The following ADGRB1 variants were observed in gnomAD, a reference collection of about 807,000 sequenced individuals.
ADGRB1 encodes brain-specific angiogenesis inhibitor 1.
A neutral mutation model predicts 175.7 loss-of-function variants in ADGRB1; 36 were observed. The observed-to-expected ratio is 0.20, with a 90% CI of 0.16 to 0.27. ADGRB1 has a LOEUF of 0.27. Ranked by LOEUF, ADGRB1 falls within the 10% of genes least tolerant of loss-of-function variation. The probability of loss-of-function intolerance (pLI) is 1.00; values close to 1 mark genes in which losing one functional copy is unlikely to be tolerated. For synonymous variants in ADGRB1, 1,054 were observed against 979.4 expected (o/e 1.08, Z -1.42); for missense variants, 1,731 against 2,255.3 (o/e 0.77, Z 4.71).
Position 142,543,652 on chromosome 8 carries a change from CGGAAGCT to C in ADGRB1, c.4503_4509del (p.Lys1502SerfsTer41). On this transcript the variant is annotated frameshift_variant, in exon 30 of 31. Transcript: ENST00000517894. LOFTEE classifies it high-confidence loss of function. This position sits in a 1 kb window ranked among gnomAD's most constrained non-coding sequence, Gnocchi z 4.4. ...CCAAGACATGTTCCAGGACCTGAAC[CGGAAGCT>C]GCAGCACGCAGCGGAGAAGGACAAG... The C allele has an allele frequency of 6.8e-7, 1 of 1,464,746 alleles. No homozygotes were observed. The highest frequency in any genetic ancestry group is 9.2e-7 in the Non-Finnish European group (1 of 1,091,658). The allele number at this position is 1,464,746 out of a possible 1,614,324, so 90.7% of individuals were successfully genotyped here.
chr8:142,532,246 G>A (rs77728626), intron 24 of ADGRB1, among the ~76,000 whole-genome samples: 1,741 of 152,304 alleles, frequency 0.011, 22 homozygotes, highest in African/African-American at 0.039. Flanking sequence ...GCCACCTCCC[G>A]AGCACTCACC....
At chr8:142,524,959 C>G (rs1032343962) in intron 23 of ADGRB1, among the ~76,000 whole-genome samples, 1 of 152,102 alleles carries the variant, frequency 6.6e-6, no homozygotes, top group Non-Finnish European at 1.5e-5. Context: ...TCTACTCTGG[C>G]AGAGCACCAG....
At chr8:142,494,758 T>C (rs899430576) in intron 17 of ADGRB1, among the ~76,000 whole-genome samples, 2 of 151,470 alleles carry the variant, frequency 1.3e-5, no homozygotes, top group Non-Finnish European at 2.9e-5. Context: ...CATCCAGTCC[T>C]GAACGCTGGC....
At chr8:142,453,382 C>T (rs908043120) in intron 1 of ADGRB1, among the ~76,000 whole-genome samples, 2 of 152,180 alleles carry the variant, frequency 1.3e-5, no homozygotes, top group Admixed American at 6.5e-5. Flanking sequence ...TCTGTGTGCA[C>T]GGGATGGACC....
intron 19 of ADGRB1, among the ~76,000 whole-genome samples, chr8:142,520,025 G>GTGA: frequency 1.1e-5 from 1 of 93,432 alleles, no homozygotes; most frequent in East Asian, 3.5e-4. Context: ...GGTGATGGTG[G>GTGA]TGGTGGTGAT....
chr8:142,541,916 G>T, intron 27 of ADGRB1, 25 bp from the exon 28 acceptor site: 1 of 1,523,898 alleles, frequency 6.6e-7, no homozygotes, highest in Non-Finnish European at 8.8e-7. Context: ...ACCTGTCCCC[G>T]CTGTCTCCCC....
chr8:142,510,643 G>GC lies in ADGRB1; in HGVS notation c.2676-283dup, dbSNP rs975536900. 2.1e-5 allele frequency among the ~76,000 whole-genome samples: 3 copies of GC among 145,630 alleles called. No homozygotes were observed. The highest frequency in any genetic ancestry group is 6.8e-5 in the Admixed American group (1 of 14,728). On this transcript the variant is annotated intron_variant, in intron 17 of 30. Coordinates refer to ENST00000517894, the MANE Select transcript of ADGRB1 (RefSeq NM_001702.3). This position sits in a 1 kb window ranked among gnomAD's most constrained non-coding sequence, Gnocchi z 6.3. ...ACTGCCGGGCCCCGGGCCAGCTCTC[G>GC]CCCCCCGCCCCGCCCCCGATCGCTC...
At chr8:142,463,170 G>A (rs1171152462) in intron 1 of ADGRB1, among the ~76,000 whole-genome samples, 2 of 152,190 alleles carry the variant, frequency 1.3e-5, no homozygotes, top group Non-Finnish European at 2.9e-5. Flanking sequence ...GGTGGCTCCT[G>A]GTGGCTCCAT....
chr8:142,519,468 G>A (rs1449772972), intron 19 of ADGRB1, among the ~76,000 whole-genome samples: 1 of 152,194 alleles, frequency 6.6e-6, no homozygotes, highest in Non-Finnish European at 1.5e-5. Flanking sequence ...AGGGCTGCTG[G>A]TGATGGTGGT....
chr8:142,528,971 G>A (rs1844416261), intron 24 of ADGRB1, among the ~76,000 whole-genome samples: 1 of 152,236 alleles, frequency 6.6e-6, no homozygotes, highest in South Asian at 2.1e-4. Flanking sequence ...CCGAGTGTGT[G>A]CCAGGCTGCA....
chr8:142,505,157 C>A (rs1842793365), intron 17 of ADGRB1, among the ~76,000 whole-genome samples: 1 of 152,178 alleles, frequency 6.6e-6, no homozygotes, highest in South Asian at 2.1e-4. Flanking sequence ...TGTGCCTCTG[C>A]CATCCCATGG....
chr8:142,490,297 C>T (rs1312880557), intron 16 of ADGRB1, among the ~76,000 whole-genome samples: 1 of 152,242 alleles, frequency 6.6e-6, no homozygotes, highest in East Asian at 1.9e-4. Context: ...GTGGCCATCT[C>T]TGCTGTCACT....
Position 142,456,031 on chromosome 8 carries a change from G to C in ADGRB1, c.-220+5927G>C, listed in dbSNP as rs990406433. On this transcript the variant is annotated intron_variant, in intron 1 of 30. Coordinates refer to ENST00000517894, the MANE Select transcript of ADGRB1 (RefSeq NM_001702.3). The stretch of plus-strand genomic sequence containing the variant: ...TGGTGAGGCCCCAGTTCCAGCTCGG[G>C]GGTAATGGCCACCCCAGAGGAACGC... Among the ~76,000 whole-genome samples, 28 of 152,230 alleles carry C rather than the reference G, an allele frequency of 1.8e-4. 1 individual carries two copies. In the East Asian group the frequency reaches 5.4e-3, roughly 29 times the overall value.
intron 16 of ADGRB1, among the ~76,000 whole-genome samples, chr8:142,489,647 AC>A (rs1272819525): frequency 6.6e-6 from 1 of 151,826 alleles, no homozygotes; most frequent in Non-Finnish European, 1.5e-5. Context: ...AGGTGCCGAA[AC>A]CCCATCTGTG....
At position 142,469,548 on chromosome 8, in the gene ADGRB1, C is replaced by T. The variant is rs530293721; in HGVS notation, c.784+4566C>T. Among the ~76,000 whole-genome samples, 190 of 126,090 alleles carry T rather than the reference C, an allele frequency of 1.5e-3. 1 individual carries two copies. Among genetic ancestry groups the T allele is most frequent in the Middle Eastern group, 0.014 (2 of 144 alleles). The allele number at this position is 126,090 out of a possible 152,430, so 82.7% of individuals were successfully genotyped here. A position where few individuals can be genotyped will look rare whatever the true frequency, so the allele number is the denominator to read the frequency against. ...GCATGTGTGAATGTGAGTGTATGCA[C>T]GTGCATGTGTGTGAATGTGTGTGCA... On this transcript the variant is annotated intron_variant, in intron 2 of 30. Coordinates refer to ENST00000517894, the MANE Select transcript of ADGRB1 (RefSeq NM_001702.3).
intron 27 of ADGRB1, 115 bp from the exon 28 acceptor site, chr8:142,541,826 C>G (rs1845287977): frequency 3.5e-6 from 4 of 1,137,092 alleles, no homozygotes; most frequent in Admixed American, 5.1e-5. Context: ...TGGCCAGGGT[C>G]TCCCAGGAGG....
chr8:142,489,486 G>A, intron 16 of ADGRB1, 48 bp downstream of exon 16: 1 of 1,579,804 alleles, frequency 6.3e-7, no homozygotes, highest in South Asian at 1.1e-5. Context: ...AAACGCGTGT[G>A]CGCGAATTCT....
At chr8:142,471,912 A>T (rs1381549667) in intron 2 of ADGRB1, among the ~76,000 whole-genome samples, 1 of 152,210 alleles carries the variant, frequency 6.6e-6, no homozygotes, top group Non-Finnish European at 1.5e-5. Context: ...TAGGTCTCAG[A>T]GGAGTCTGGG....
At chr8:142,516,333 G>GTGTGTGCGGGCCCCAGGTGCATGCA (rs1843428344) in intron 18 of ADGRB1, among the ~76,000 whole-genome samples, 1 of 145,238 alleles carries the variant, frequency 6.9e-6, no homozygotes, top group East Asian at 2.1e-4. Context: ...AGGTGCATGC[G>GTGTGTGCGGGCCCCAGGTGCATGCA]TGTGTGCGGG....
Sources: gnomAD v4.1 joint callset for allele counts (sites outside exome capture counted in the v4.1 genomes callset) on GRCh38, gnomAD v4.1.1 for gene constraint, Gnocchi (gnomAD v3.1) non-coding constraint, MANE v1.5 for transcripts, NCBI Gene and HGNC (gene_info 2026-07-23, HGNC 2026-07-21) for gene names.